The following RANBP2 variants were observed in gnomAD, a reference collection of about 807,000 sequenced individuals.
The protein encoded by RANBP2 is E3 SUMO-protein ligase RanBP2.
In RANBP2, 57 loss-of-function variants were observed where a neutral mutation model predicts 303.6. The ratio of observed to expected loss-of-function variants is 0.19; its 90% CI spans 0.15 to 0.23. RANBP2 has a LOEUF of 0.23. Ranked by LOEUF, RANBP2 falls within the 10% of genes least tolerant of loss-of-function variation. The pLI, the probability that RANBP2 is intolerant of heterozygous loss-of-function variation, is 1.00. For synonymous variants in RANBP2, 1,167 were observed against 1,301.5 expected, an observed-to-expected ratio of 0.90 and a Z score of 2.23; for missense variants, 3,138 against 3,780.8, an observed-to-expected ratio of 0.83 and a Z score of 4.46.
the RANBP2 span, among the ~76,000 whole-genome samples, chr2:109,465,163 T>C: frequency 6.6e-6 from 1 of 152,268 alleles, no homozygotes; most frequent in Non-Finnish European, 1.5e-5. Flanking sequence ...TCAGTTCTTT[T>C]TAGCACTGAA....
rs17036878 is a variant in RANBP2, at chr2:108,772,826, C to T, written c.8114-42C>T. ...CTACCATTGTTGTAGAGAAGTTGGG[C>T]TTCATCTAATTTCGTTTGCTTGTGT... On this transcript the variant is annotated intron_variant, in intron 22 of 28. Transcript: ENST00000283195. 9.8e-3 allele frequency: 15,594 copies of T among 1,593,472 alleles called. 1,125 individuals carry two copies. In the African/African-American group the frequency reaches 0.17, roughly 17 times the overall value.
chr2:109,002,049 G>A, the RANBP2 span, among the ~76,000 whole-genome samples: 1 of 152,140 alleles, frequency 6.6e-6, no homozygotes, highest in Non-Finnish European at 1.5e-5. Flanking sequence ...CTTTAACGGA[G>A]CCCAAAAAGC....
At chr2:109,726,325 G>T in the RANBP2 span, among the ~76,000 whole-genome samples, 2 of 151,826 alleles carry the variant, frequency 1.3e-5, no homozygotes, top group Admixed American at 6.6e-5. Context: ...CAAGAGAATC[G>T]CTTGAACTCT....
chr2:109,431,014 A>G, the RANBP2 span, among the ~76,000 whole-genome samples: 5 of 152,228 alleles, frequency 3.3e-5, no homozygotes, highest in Non-Finnish European at 5.9e-5. Context: ...CAGATTTCAT[A>G]TTAAGGCCAA....
At chr2:109,748,656 T>A in the RANBP2 span, among the ~76,000 whole-genome samples, 1 of 141,934 alleles carries the variant, frequency 7.0e-6, no homozygotes. Context: ...GCGGATTACC[T>A]GAGGTCAGGC....
chr2:108,719,701 G>T lies in RANBP2; in HGVS notation c.72+23G>T, dbSNP rs746386795. On this transcript the variant is annotated intron_variant, in intron 1 of 28. Transcript: ENST00000283195. ...CAGGTGAGTGGGTCTCGAAGAGACC[G>T]ACGGCCTCGACCTGGCCGGGCGGCG... 4 of 1,581,130 alleles carry T rather than the reference G, an allele frequency of 2.5e-6. No individual in the cohort carries two copies. In the African/African-American group the frequency reaches 4.0e-5, roughly 16 times the overall value.
the RANBP2 span, among the ~76,000 whole-genome samples, chr2:109,680,302 A>C: frequency 6.6e-6 from 1 of 151,758 alleles, no homozygotes; most frequent in Non-Finnish European, 1.5e-5. Context: ...GCAGTGAGCC[A>C]AGATCACGCC....
At chr2:109,216,511 A>G in the RANBP2 span, among the ~76,000 whole-genome samples, 1 of 152,214 alleles carries the variant, frequency 6.6e-6, no homozygotes, top group African/African-American at 2.4e-5. Flanking sequence ...ACCTGGCCGC[A>G]AAGCTTAAGT....
intron 18 of RANBP2, 38 bp from the exon 19 acceptor site, chr2:108,762,063 T>G: frequency 7.5e-6 from 12 of 1,596,314 alleles, no homozygotes; most frequent in African/African-American, 1.3e-5. Flanking sequence ...AGTATAGACT[T>G]TAACAGTGTT....
the RANBP2 span, among the ~76,000 whole-genome samples, chr2:108,840,630 T>G: frequency 6.6e-6 from 1 of 152,170 alleles, no homozygotes; most frequent in South Asian, 2.1e-4. Flanking sequence ...TAGTATTCTC[T>G]TATCCTTTTG....
the RANBP2 span, among the ~76,000 whole-genome samples, chr2:109,491,870 G>C: frequency 6.6e-6 from 1 of 152,204 alleles, no homozygotes; most frequent in Non-Finnish European, 1.5e-5. Context: ...CCTGCAACCC[G>C]GGAAGGCAGC....
At chr2:108,943,502 C>A in the RANBP2 span, among the ~76,000 whole-genome samples, 1 of 152,202 alleles carries the variant, frequency 6.6e-6, no homozygotes, top group African/African-American at 2.4e-5. Flanking sequence ...ACTACCGAAG[C>A]CCTGGACAAA....
chr2:108,785,825 T>A (rs2149342314), downstream of RANBP2: 1 of 152,362 alleles, frequency 6.6e-6, no homozygotes, highest in African/African-American at 2.4e-5. Context: ...TAAGTGGTAC[T>A]TTATGGCAAA....
chr2:109,644,145 A>G, the RANBP2 span, among the ~76,000 whole-genome samples: 1 of 149,768 alleles, frequency 6.7e-6, no homozygotes, highest in Non-Finnish European at 1.5e-5. Flanking sequence ...AAAAACAAAA[A>G]AAAACTAAAA....
the RANBP2 span, among the ~76,000 whole-genome samples, chr2:109,711,304 C>T: frequency 6.6e-6 from 1 of 151,992 alleles, no homozygotes; most frequent in Non-Finnish European, 1.5e-5. Context: ...ATTTCCAAAC[C>T]CCTCACGCCC....
the RANBP2 span, among the ~76,000 whole-genome samples, chr2:109,364,888 C>T: frequency 6.6e-6 from 1 of 152,104 alleles, no homozygotes; most frequent in African/African-American, 2.4e-5. Context: ...GTCAGGAGTT[C>T]GAGACCAGCC....
At chr2:109,267,370 T>G in the RANBP2 span, among the ~76,000 whole-genome samples, 3 of 152,140 alleles carry the variant, frequency 2.0e-5, no homozygotes, top group Non-Finnish European at 4.4e-5. Context: ...AGGTGATCAC[T>G]GTGCGCTTTG....
the RANBP2 span, among the ~76,000 whole-genome samples, chr2:109,655,121 T>C: frequency 7.2e-5 from 11 of 152,154 alleles, no homozygotes; most frequent in Non-Finnish European, 1.5e-4. Flanking sequence ...CAGGCTGATA[T>C]CGAATTCCTG....
At chr2:109,609,996 G>T in the RANBP2 span, among the ~76,000 whole-genome samples, 1 of 151,976 alleles carries the variant, frequency 6.6e-6, no homozygotes, top group African/African-American at 2.4e-5. Flanking sequence ...TCCTAATAAG[G>T]AGCATGGTGG....
Sources: gnomAD v4.1 joint callset for allele counts (sites outside exome capture counted in the v4.1 genomes callset) on GRCh38, gnomAD v4.1.1 for gene constraint, MANE v1.5 for transcripts, NCBI Gene and HGNC (gene_info 2026-07-23, HGNC 2026-07-21) for gene names.